The following CTXN1 variants were observed in gnomAD, a reference collection of about 807,000 sequenced individuals.
The protein encoded by CTXN1 is cortexin 1.
CTXN1 carries 4 observed loss-of-function variants against 5.5 expected under a neutral mutation model. The observed-to-expected ratio is 0.73, with a 90% CI of 0.36 to 1.68. The LOEUF is 1.68. CTXN1 is among the 40% of genes most tolerant of loss of function. The probability of loss-of-function intolerance (pLI) is 0.05; values close to 1 mark genes in which losing one functional copy is unlikely to be tolerated. For synonymous variants in CTXN1, 67 were observed against 62.8 expected (o/e 1.07, Z -0.32); for missense variants, 111 against 123.0 (o/e 0.90, Z 0.46).
In CTXN1 at chr19:7,925,953, G is replaced by T. The variant is rs1279627300; in HGVS notation, c.-21+14C>A. On this transcript the variant is annotated intron_variant, in intron 1 of 1. Transcript: ENST00000318978. This position sits in a 1 kb window ranked among gnomAD's most constrained non-coding sequence, Gnocchi z 5.0. ...CCCCCTCCCCCACCGCCCCCGCCCC[G>T]GCGCGCCCCTCACCCTGGCTTCGAC... 2 of 150,296 alleles carry T rather than the reference G, an allele frequency of 1.3e-5. No individual in the cohort carries two copies. Among genetic ancestry groups the T allele is most frequent in the South Asian group, 4.1e-4 (2 of 4,898 alleles). 9.3% of individuals were successfully genotyped at this position (150,296 alleles called of 1,614,324 possible).
In CTXN1 at chr19:7,924,841, G is replaced by C. The variant is rs779186957; in HGVS notation, c.*449C>G. 2 of 153,994 alleles carry C rather than the reference G, an allele frequency of 1.3e-5. No homozygotes were observed. Among genetic ancestry groups the C allele is most frequent in the Non-Finnish European group, 1.4e-5 (1 of 69,338 alleles). 9.5% of individuals were successfully genotyped at this position (153,994 alleles called of 1,614,324 possible). ...GGCCCGGGAGAGCCTGCCCCGCAGG[G>C]ACCAGAGCCCAAGGACGGGCTCAAC... On this transcript the variant is annotated 3_prime_UTR_variant, in exon 2 of 2. Coordinates refer to ENST00000318978, the MANE Select transcript of CTXN1 (RefSeq NM_206833.4).
Position 7,925,376 on chromosome 19 carries a change from C to T in CTXN1, c.163G>A (p.Asp55Asn). The change falls in exon 2 of 2, where the codon GAC (aspartate) becomes AAC (asparagine). Residue 55 changes from aspartate (D) to asparagine (N), a missense_variant. Coordinates refer to ENST00000318978, the MANE Select transcript of CTXN1 (RefSeq NM_206833.4). The surrounding 1 kb of genome is among the most constrained non-coding windows in gnomAD (Gnocchi z 5.0). ...GAGGCGGGCATGCGGCTGTAGGGGT[C>T]GAGCAGGATGCGCACGCAGCGCACC... ...LMVRCVRILL[D>N]PYSRMPASSW... 1 of 1,582,910 alleles carries T rather than the reference C, an allele frequency of 6.3e-7. No individual in the cohort carries two copies. Among genetic ancestry groups the T allele is most frequent in the Non-Finnish European group, 8.5e-7 (1 of 1,169,872 alleles).
At position 7,925,240 on chromosome 19, in the gene CTXN1, C is replaced by G. The variant is rs768472295; in HGVS notation, c.*50G>C. 8 of 1,223,844 alleles carry G rather than the reference C, an allele frequency of 6.5e-6. No homozygotes were observed. The highest frequency in any genetic ancestry group is 4.4e-5 in the Admixed American group (1 of 22,566). The allele number at this position is 1,223,844 out of a possible 1,614,324, so 75.8% of individuals were successfully genotyped here. ...TGGCCCCGCGGCGCCCCCCGCCGGG[C>G]CGGCCCTCTGAGACCCCGGCGCAGG... On this transcript the variant is annotated 3_prime_UTR_variant, in exon 2 of 2. Transcript: ENST00000318978. The surrounding 1 kb of genome is among the most constrained non-coding windows in gnomAD (Gnocchi z 5.0).
At position 7,925,950 on chromosome 19, in the gene CTXN1, C is replaced by T. The variant is rs1318917814; in HGVS notation, c.-21+17G>A. The T allele has an allele frequency of 6.6e-6, 1 of 151,458 alleles. No homozygotes were observed. The highest frequency in any genetic ancestry group is 1.5e-5 in the Non-Finnish European group (1 of 68,138). The allele number at this position is 151,458 out of a possible 1,614,324, so 9.4% of individuals were successfully genotyped here. On this transcript the variant is annotated intron_variant, in intron 1 of 1. Transcript: ENST00000318978. The surrounding 1 kb of genome is among the most constrained non-coding windows in gnomAD (Gnocchi z 5.0). ...GGACCCCCTCCCCCACCGCCCCCGC[C>T]CCGGCGCGCCCCTCACCCTGGCTTC...
rs1222713662 is a variant in CTXN1 at position 7,926,133 on chromosome 19, A to G, written c.-187T>C. 1 of 140,434 alleles carries G rather than the reference A, an allele frequency of 7.1e-6. No individual in the cohort carries two copies. The highest frequency in any genetic ancestry group is 1.6e-5 in the Non-Finnish European group (1 of 64,178). 8.7% of individuals were successfully genotyped at this position (140,434 alleles called of 1,614,324 possible). On this transcript the variant is annotated 5_prime_UTR_variant, in exon 1 of 2. Transcript: ENST00000318978. The stretch of plus-strand genomic sequence containing the variant: ...GCGGCGGAGACCGAGGCAGGCAAGC[A>G]GCGCGCGAGCCGGGCCGCCGCGGCT...
Position 7,925,481 on chromosome 19 carries a change from C to T in CTXN1, c.58G>A (p.Val20Met), listed in dbSNP as rs1599643572. 1 of 1,537,122 alleles carries T rather than the reference C, an allele frequency of 6.5e-7. No homozygotes were observed. Among genetic ancestry groups the T allele is most frequent in the East Asian group, 2.6e-5 (1 of 38,272 alleles). The change falls in exon 2 of 2, where the codon GTG becomes ATG. Residue 20 changes from valine (V) to methionine (M), a missense_variant. Physicochemically the swap from Val to Met is conservative, Grantham distance 21. Transcript: ENST00000318978. This position sits in a 1 kb window ranked among gnomAD's most constrained non-coding sequence, Gnocchi z 5.0. The part of the protein sequence containing the change: ...EPLPPSTGPP[V>M]GAGLDAEQRT... ...TGCTCCGCGTCCAGGCCCGCGCCCA[C>T]CGGGGGCCCCGTCGACGGCGGCAGG... is the stretch of plus-strand genomic sequence containing the variant.
At position 7,925,190 on chromosome 19, in the gene CTXN1, C is replaced by T. The variant is rs897931269; in HGVS notation, c.*100G>A. On this transcript the variant is annotated 3_prime_UTR_variant, in exon 2 of 2. Transcript: ENST00000318978. The surrounding 1 kb of genome is among the most constrained non-coding windows in gnomAD (Gnocchi z 5.0). Reference sequence around the variant, plus strand: ...CCCCTCTCCCCCGGGCTGGGGGCTCCGGGGCGGGATCCTGAGCGCAGTCCT... The same window carrying T: ...CCCCTCTCCCCCGGGCTGGGGGCTCTGGGGCGGGATCCTGAGCGCAGTCCT... 1 of 977,638 alleles carries T rather than the reference C, an allele frequency of 1.0e-6. No homozygotes were observed. The highest frequency in any genetic ancestry group is 1.3e-6 in the Non-Finnish European group (1 of 755,194). 60.6% of individuals were successfully genotyped at this position (977,638 alleles called of 1,614,324 possible).
At position 7,925,216 on chromosome 19, in the gene CTXN1, G is replaced by GGCCCCGCGGC. The variant is rs1224817940; in HGVS notation, c.*64_*73dup. The GGCCCCGCGGC allele has an allele frequency of 3.4e-6, 4 of 1,169,702 alleles. No homozygotes were observed. Among genetic ancestry groups the GGCCCCGCGGC allele is most frequent in the Non-Finnish European group, 4.3e-6 (4 of 924,598 alleles). 72.5% of individuals were successfully genotyped at this position (1,169,702 alleles called of 1,614,324 possible). A position where few individuals can be genotyped will look rare whatever the true frequency, so the allele number is the denominator to read the frequency against. On this transcript the variant is annotated 3_prime_UTR_variant, in exon 2 of 2. Coordinates refer to ENST00000318978, the MANE Select transcript of CTXN1 (RefSeq NM_206833.4). The surrounding 1 kb of genome is among the most constrained non-coding windows in gnomAD (Gnocchi z 5.0). ...GGGGCGGGATCCTGAGCGCAGTCCTGGCCCCGCGGCGCCCCCCGCCGGGCC... is the reference window on the plus strand; with the variant it reads ...GGGGCGGGATCCTGAGCGCAGTCCTGGCCCCGCGGCGCCCCGCGGCGCCCCCCGCCGGGCC...
At position 7,924,990 on chromosome 19, in the gene CTXN1, G is replaced by C. The variant is rs945824199; in HGVS notation, c.*300C>G. ...ACACGCTGGGGAGGGGGCGGTGCGG[G>C]GGTCCTCCTCCCGCCCGGGATTCAG... is the stretch of plus-strand genomic sequence containing the variant. On this transcript the variant is annotated 3_prime_UTR_variant, in exon 2 of 2. Transcript: ENST00000318978. The C allele has an allele frequency of 3.0e-5, 8 of 265,222 alleles. No individual in the cohort carries two copies. The highest frequency in any genetic ancestry group is 2.1e-5 in the Non-Finnish European group (3 of 141,888). 16.4% of individuals were successfully genotyped at this position (265,222 alleles called of 1,614,324 possible).
Position 7,925,341 on chromosome 19 carries a change from G to A in CTXN1, c.198C>T (p.Thr66=). 3.9e-6 allele frequency: 6 copies of A among 1,539,696 alleles called. No individual in the cohort carries two copies. Among genetic ancestry groups the A allele is most frequent in the Non-Finnish European group, 5.2e-6 (6 of 1,147,270 alleles). Reference sequence around the variant, plus strand: ...CGCGCTCGAGCGCCTCCTTGTGGTCGGTCCAGGACGAGGCGGGCATGCGGC... The same window carrying A: ...CGCGCTCGAGCGCCTCCTTGTGGTCAGTCCAGGACGAGGCGGGCATGCGGC... ...PYSRMPASSW[T]DHKEALERGQ... is the part of the protein sequence containing the mutation. The change falls in exon 2 of 2, where the codon ACC becomes ACT. Residue 66 remains threonine (T), a synonymous_variant. Transcript: ENST00000318978. The surrounding 1 kb of genome is among the most constrained non-coding windows in gnomAD (Gnocchi z 5.0).
Position 7,925,051 on chromosome 19 carries a change from C to A in CTXN1, c.*239G>T. The A allele has an allele frequency of 2.9e-6, 1 of 350,410 alleles. No individual in the cohort carries two copies. Among genetic ancestry groups the A allele is most frequent in the Non-Finnish European group, 5.1e-6 (1 of 196,064 alleles). 21.7% of individuals were successfully genotyped at this position (350,410 alleles called of 1,614,324 possible). ...GGGGGCCAGCCGGGCGGGTGAGATGCGCAGAGAGGAAGGGACAGGGCGGAT... is the reference window on the plus strand; with the variant it reads ...GGGGGCCAGCCGGGCGGGTGAGATGAGCAGAGAGGAAGGGACAGGGCGGAT... On this transcript the variant is annotated 3_prime_UTR_variant, in exon 2 of 2. Transcript: ENST00000318978. This position sits in a 1 kb window ranked among gnomAD's most constrained non-coding sequence, Gnocchi z 5.0.
At position 7,924,510 on chromosome 19, in the gene CTXN1, T is replaced by C. The variant is rs1435760387; in HGVS notation, c.*780A>G. ...TTGGCATGCAGTAAGCGCTCAATAATAGCTTTTATTATCATGTTCGGCTCA... is the reference window on the plus strand; with the variant it reads ...TTGGCATGCAGTAAGCGCTCAATAACAGCTTTTATTATCATGTTCGGCTCA... On this transcript the variant is annotated 3_prime_UTR_variant, in exon 2 of 2. Transcript: ENST00000318978. 6.6e-6 allele frequency: 1 copy of C among 152,060 alleles called. No homozygotes were observed. Among genetic ancestry groups the C allele is most frequent in the Non-Finnish European group, 1.5e-5 (1 of 68,060 alleles). 9.4% of individuals were successfully genotyped at this position (152,060 alleles called of 1,614,324 possible). A position where few individuals can be genotyped will look rare whatever the true frequency, so the allele number is the denominator to read the frequency against.
rs758866896 is a variant in CTXN1, at chr19:7,925,275, G to A, written c.*15C>T. On this transcript the variant is annotated 3_prime_UTR_variant, in exon 2 of 2. Coordinates refer to ENST00000318978, the MANE Select transcript of CTXN1 (RefSeq NM_206833.4). The surrounding 1 kb of genome is among the most constrained non-coding windows in gnomAD (Gnocchi z 5.0). The stretch of plus-strand genomic sequence containing the variant: ...GAGACCCCGGCGCAGGGCCGGCTAG[G>A]GGGCGCCGCGCCCCTCACACCAACG... 1,616 of 1,359,244 alleles carry A rather than the reference G, an allele frequency of 1.2e-3. 4 individuals carry two copies. The highest frequency in any genetic ancestry group is 1.4e-3 in the Non-Finnish European group (1,517 of 1,052,614). The allele number at this position is 1,359,244 out of a possible 1,614,324, so 84.2% of individuals were successfully genotyped here.
Position 7,925,247 on chromosome 19 carries a change from T to A in CTXN1, c.*43A>T. The A allele has an allele frequency of 7.5e-6, 9 of 1,202,836 alleles. No homozygotes were observed. The highest frequency in any genetic ancestry group is 9.3e-6 in the Non-Finnish European group (9 of 967,480). 74.5% of individuals were successfully genotyped at this position (1,202,836 alleles called of 1,614,324 possible). On this transcript the variant is annotated 3_prime_UTR_variant, in exon 2 of 2. Transcript: ENST00000318978. This position sits in a 1 kb window ranked among gnomAD's most constrained non-coding sequence, Gnocchi z 5.0. ...GCGGCGCCCCCCGCCGGGCCGGCCC[T>A]CTGAGACCCCGGCGCAGGGCCGGCT...
Position 7,925,209 on chromosome 19 carries a change from C to A in CTXN1, c.*81G>T. The A allele has an allele frequency of 1.8e-6, 2 of 1,116,168 alleles. No homozygotes were observed. The highest frequency in any genetic ancestry group is 2.3e-6 in the Non-Finnish European group (2 of 878,390). 69.1% of individuals were successfully genotyped at this position (1,116,168 alleles called of 1,614,324 possible). A position where few individuals can be genotyped will look rare whatever the true frequency, so the allele number is the denominator to read the frequency against. On this transcript the variant is annotated 3_prime_UTR_variant, in exon 2 of 2. Coordinates refer to ENST00000318978, the MANE Select transcript of CTXN1 (RefSeq NM_206833.4). This position sits in a 1 kb window ranked among gnomAD's most constrained non-coding sequence, Gnocchi z 5.0. ...GGGCTCCGGGGCGGGATCCTGAGCG[C>A]AGTCCTGGCCCCGCGGCGCCCCCCG...
Position 7,925,698 on chromosome 19 carries a change from G to C in CTXN1, c.-20-140C>G. The C allele has an allele frequency of 5.3e-6, 4 of 747,930 alleles. No individual in the cohort carries two copies. The highest frequency in any genetic ancestry group is 7.3e-6 in the Non-Finnish European group (4 of 548,146). The allele number at this position is 747,930 out of a possible 1,614,324, so 46.3% of individuals were successfully genotyped here. ...CGACCCCATCCCCCGCCCGCGCCTC[G>C]GTCCCCGGGCTACGCCCATGCCCGG... is the stretch of plus-strand genomic sequence containing the variant. On this transcript the variant is annotated intron_variant, in intron 1 of 1. Transcript: ENST00000318978. The surrounding 1 kb of genome is among the most constrained non-coding windows in gnomAD (Gnocchi z 5.0).
rs936069640 is a variant in CTXN1 at position 7,925,227 on chromosome 19, G to C, written c.*63C>G. 3 of 1,207,166 alleles carry C rather than the reference G, an allele frequency of 2.5e-6. No homozygotes were observed. The highest frequency in any genetic ancestry group is 3.2e-5 in the African/African-American group (2 of 62,576). 74.8% of individuals were successfully genotyped at this position (1,207,166 alleles called of 1,614,324 possible). ...CTGAGCGCAGTCCTGGCCCCGCGGC[G>C]CCCCCCGCCGGGCCGGCCCTCTGAG... is the stretch of plus-strand genomic sequence containing the variant. On this transcript the variant is annotated 3_prime_UTR_variant, in exon 2 of 2. Transcript: ENST00000318978. This position sits in a 1 kb window ranked among gnomAD's most constrained non-coding sequence, Gnocchi z 5.0.
Position 7,925,105 on chromosome 19 carries a change from C to A in CTXN1, c.*185G>T. The stretch of plus-strand genomic sequence containing the variant: ...GGCACGAGGTGGGGCTCCGGCCAGG[C>A]CAGGAAGGGACATGGGAGGGGTCTC... On this transcript the variant is annotated 3_prime_UTR_variant, in exon 2 of 2. Coordinates refer to ENST00000318978, the MANE Select transcript of CTXN1 (RefSeq NM_206833.4). This position sits in a 1 kb window ranked among gnomAD's most constrained non-coding sequence, Gnocchi z 5.0. 2.5e-6 allele frequency: 1 copy of A among 399,682 alleles called. No homozygotes were observed. The allele number at this position is 399,682 out of a possible 1,614,324, so 24.8% of individuals were successfully genotyped here. A position where few individuals can be genotyped will look rare whatever the true frequency, so the allele number is the denominator to read the frequency against.
Position 7,925,985 on chromosome 19 carries a change from G to A in CTXN1, c.-39C>T, listed in dbSNP as rs1983774714. On this transcript the variant is annotated 5_prime_UTR_variant, in exon 1 of 2. Transcript: ENST00000318978. The surrounding 1 kb of genome is among the most constrained non-coding windows in gnomAD (Gnocchi z 5.0). ...CCCTCACCCTGGCTTCGACCCGGAC[G>A]GGGACCGACCGCCCGGCGGCCGCGC... The A allele has an allele frequency of 6.7e-6, 1 of 150,184 alleles. No homozygotes were observed. Among genetic ancestry groups the A allele is most frequent in the East Asian group, 2.0e-4 (1 of 5,128 alleles). 9.3% of individuals were successfully genotyped at this position (150,184 alleles called of 1,614,324 possible).
Sources: gnomAD v4.1 joint callset for allele counts on GRCh38, gnomAD v4.1.1 for gene constraint, Gnocchi (gnomAD v3.1) non-coding constraint, MANE v1.5 for transcripts, NCBI Gene and HGNC (gene_info 2026-07-23, HGNC 2026-07-21) for gene names.